FARP1: variants seen among roughly 807,000 people sequenced by gnomAD.
The protein encoded by FARP1 is FERM, ARHGEF and pleckstrin domain-containing protein 1.
In FARP1, 52 loss-of-function variants were observed where a neutral mutation model predicts 128.8. The observed-to-expected ratio is 0.40, with a 90% CI of 0.32 to 0.51. FARP1 has a LOEUF of 0.51. Among genes scored for constraint, FARP1 ranks in the 20% least tolerant of loss-of-function variants. The pLI is 0.45. For synonymous variants in FARP1, 580 were observed against 551.8 expected (o/e 1.05, Z -0.72); for missense variants, 1,333 against 1,367.9 (o/e 0.97, Z 0.40).
intron 17 of FARP1, among the ~76,000 whole-genome samples, chr13:98,427,483 G>T (rs1291928573): frequency 6.6e-6 from 1 of 152,182 alleles, no homozygotes; most frequent in East Asian, 1.9e-4. Flanking sequence ...CCTCTTCAAG[G>T]AGGCTTGGAC....
rs372492495 is a variant in FARP1, at chr13:98,444,352, G to T, written c.2797-1746G>T. On this transcript the variant is annotated intron_variant, in intron 24 of 26. Coordinates refer to ENST00000319562, the MANE Select transcript of FARP1 (RefSeq NM_005766.4). ...GGGGGTGCAATTCAACCCACAGCAG[G>T]GTCTGAGGGAATGGGATCCAAGAAG... 6.4e-5 allele frequency among the ~76,000 whole-genome samples: 9 copies of T among 140,504 alleles called. No individual in the cohort carries two copies. In the East Asian group the frequency reaches 7.1e-4, roughly 11 times the overall value. 92.2% of individuals were successfully genotyped at this position (140,504 alleles called of 152,430 possible). A position where few individuals can be genotyped will look rare whatever the true frequency, so the allele number is the denominator to read the frequency against.
chr13:98,189,468 T>G (rs1879088193), intron 1 of FARP1, among the ~76,000 whole-genome samples: 1 of 152,136 alleles, frequency 6.6e-6, no homozygotes, highest in South Asian at 2.1e-4. Context: ...AAGAACAGCT[T>G]TTGATGATGA....
Position 98,378,782 on chromosome 13 carries a change from A to C in FARP1, c.496+864A>C, listed in dbSNP as rs549655076. ...ATGATGTGTATCTTCTTGTTTTTTG[A>C]ATATGAGCACTTATTAGATAGATGT... On this transcript the variant is annotated intron_variant, in intron 6 of 26. Transcript: ENST00000319562. Among the ~76,000 whole-genome samples the C allele has an allele frequency of 8.0e-5, 12 of 150,418 alleles. No homozygotes were observed. The South Asian group carries it at 2.5e-3, about 31-fold the overall frequency.
chr13:98,250,051 A>G (rs1883248396), intron 2 of FARP1, among the ~76,000 whole-genome samples: 2 of 152,388 alleles, frequency 1.3e-5, no homozygotes, highest in Admixed American at 1.3e-4. Flanking sequence ...AGATGATTTT[A>G]TATGTATGAG....
intron 6 of FARP1, chr13:98,382,453 G>A (rs1184450741): frequency 1.3e-5 from 2 of 152,092 alleles, no homozygotes; most frequent in African/African-American, 2.4e-5. Context: ...TGGACCATTC[G>A]GCTCTCTTTA....
intron 1 of FARP1, chr13:98,204,033 C>T (rs1189898668): frequency 6.6e-6 from 1 of 152,216 alleles, no homozygotes; most frequent in Non-Finnish European, 1.5e-5. Context: ...CTGCCAAGCA[C>T]ACAGTTTTGG....
At chr13:98,227,049 T>TG (rs1406493264) in intron 2 of FARP1, among the ~76,000 whole-genome samples, 11 of 152,266 alleles carry the variant, frequency 7.2e-5, no homozygotes, top group African/African-American at 2.6e-4. Context: ...CACGTCATTC[T>TG]CTAGCCTCAG....
At chr13:98,342,107 C>G (rs1308501368) in intron 2 of FARP1, among the ~76,000 whole-genome samples, 1 of 152,126 alleles carries the variant, frequency 6.6e-6, no homozygotes, top group African/African-American at 2.4e-5. Context: ...TATGGCCTTT[C>G]CCTTCAATGT....
intron 1 of FARP1, among the ~76,000 whole-genome samples, chr13:98,206,177 TTGTGTGTGTG>T (rs3138577): frequency 0.43 from 63,272 of 146,476 alleles, 14,837 homozygotes; most frequent in Non-Finnish European, 0.53. Flanking sequence ...TGACTTGAGG[TTGTGTGTGTG>T]TGTGTGTGTG....
chr13:98,188,536 G>T (rs1241290039), intron 1 of FARP1, among the ~76,000 whole-genome samples: 1 of 152,152 alleles, frequency 6.6e-6, no homozygotes, highest in African/African-American at 2.4e-5. Flanking sequence ...ACTCCAGCCT[G>T]GGGGACAGGG....
chr13:98,320,813 C>T (rs529181251), intron 2 of FARP1, among the ~76,000 whole-genome samples: 12 of 152,232 alleles, frequency 7.9e-5, no homozygotes, highest in Non-Finnish European at 1.3e-4. Context: ...AGACGAGATC[C>T]GGTTTAGATA....
intron 1 of FARP1, among the ~76,000 whole-genome samples, chr13:98,162,199 A>T (rs565693915): frequency 6.6e-5 from 10 of 152,268 alleles, no homozygotes; most frequent in Admixed American, 2.0e-4. Context: ...TGTAGCGGGA[A>T]TGTTTCCAGA....
chr13:98,438,572 G>A (rs901307879), intron 19 of FARP1, among the ~76,000 whole-genome samples: 1 of 152,156 alleles, frequency 6.6e-6, no homozygotes, highest in African/African-American at 2.4e-5. Flanking sequence ...CAGCACCTGG[G>A]GCAGAGCAAT....
At position 98,307,534 on chromosome 13, in the gene FARP1, G is replaced by A. The variant is rs148440132; in HGVS notation, c.172-36228G>A. Among the ~76,000 whole-genome samples the A allele has an allele frequency of 1.5e-3, 223 of 152,224 alleles. 2 individuals carry two copies. The highest frequency in any genetic ancestry group is 5.1e-3 in the African/African-American group (212 of 41,524). On this transcript the variant is annotated intron_variant, in intron 2 of 26. Transcript: ENST00000319562. ...GTGGTGTCGTGAGTCCTGTTCACAC[G>A]CTACAGGCCTCGAGTCTTTGAGATT...
Position 98,298,032 on chromosome 13 carries a change from A to G in FARP1, c.172-45730A>G, listed in dbSNP as rs1885773101. 2.0e-5 allele frequency among the ~76,000 whole-genome samples: 3 copies of G among 152,220 alleles called. No individual in the cohort carries two copies. In the South Asian group the frequency reaches 6.2e-4, roughly 32 times the overall value. ...ATGGCAGAGAAGTAGAAAATGAAATAAAGCAGAATGCCGAGAAACAGGGCG... is the reference window on the plus strand; with the variant it reads ...ATGGCAGAGAAGTAGAAAATGAAATGAAGCAGAATGCCGAGAAACAGGGCG... On this transcript the variant is annotated intron_variant, in intron 2 of 26. Coordinates refer to ENST00000319562, the MANE Select transcript of FARP1 (RefSeq NM_005766.4).
At chr13:98,255,238 G>T (rs1883526648) in intron 2 of FARP1, among the ~76,000 whole-genome samples, 1 of 152,168 alleles carries the variant, frequency 6.6e-6, no homozygotes, top group African/African-American at 2.4e-5. Flanking sequence ...GGTGGCTCAC[G>T]CCTGTAATCC....
intron 2 of FARP1, among the ~76,000 whole-genome samples, chr13:98,227,357 A>T (rs886175237): frequency 5.3e-5 from 8 of 152,168 alleles, no homozygotes; most frequent in Non-Finnish European, 1.0e-4. Flanking sequence ...TCAGGCTTCC[A>T]GAAGCTATGT....
Position 98,347,893 on chromosome 13 carries a change from C to T in FARP1, c.276+4027C>T, listed in dbSNP as rs1433962013. Among the ~76,000 whole-genome samples the T allele has an allele frequency of 3.9e-5, 6 of 152,196 alleles. No individual in the cohort carries two copies. The East Asian group carries it at 1.2e-3, about 29-fold the overall frequency. On this transcript the variant is annotated intron_variant, in intron 3 of 26. Transcript: ENST00000319562. ...GTGTGATGTGTGGGAAACTAGTTTC[C>T]CCCAAGCACCTGGCATGTCAGGTTG... is the stretch of plus-strand genomic sequence containing the variant.
intron 17 of FARP1, among the ~76,000 whole-genome samples, chr13:98,426,867 C>T (rs1206933154): frequency 6.6e-6 from 1 of 152,212 alleles, no homozygotes; most frequent in Non-Finnish European, 1.5e-5. Context: ...TTTCCACTTT[C>T]CATGGGAGTT....
Sources: allele counts gnomAD v4.1 joint callset (sites outside exome capture counted in the v4.1 genomes callset), GRCh38; gene constraint gnomAD v4.1.1; transcripts MANE v1.5; gene names NCBI Gene and HGNC (gene_info 2026-07-23, HGNC 2026-07-21).